The following RGS6 variants were observed in gnomAD, a reference collection of about 807,000 sequenced individuals.
The protein encoded by RGS6 is regulator of G-protein signaling 6.
A neutral mutation model predicts 78.5 loss-of-function variants in RGS6; 30 were observed. That is an observed-to-expected ratio of 0.38 (90% confidence interval 0.29 to 0.52). RGS6 has a LOEUF of 0.52. Ranked by LOEUF, RGS6 falls within the 20% of genes least tolerant of loss-of-function variation. The probability of loss-of-function intolerance (pLI) is 0.85; values close to 1 mark genes in which losing one functional copy is unlikely to be tolerated. For missense variants in RGS6, 495 were observed against 609.7 expected (o/e 0.81, Z 1.98); for synonymous variants, 206 against 206.0 (o/e 1.00, Z 0.00).
chr14:72,540,184 T>C, intron 17 of RGS6, 90 bp downstream of exon 17: 1 of 1,525,176 alleles, frequency 6.6e-7, no homozygotes, highest in Non-Finnish European at 8.8e-7. Flanking sequence ...CTTTGGTTGT[T>C]GTTTCCTTTG....
At chr14:72,165,904 T>C (rs775203995) in intron 2 of RGS6, among the ~76,000 whole-genome samples, 1 of 152,246 alleles carries the variant, frequency 6.6e-6, no homozygotes, top group Non-Finnish European at 1.5e-5. Context: ...AATGCACTGA[T>C]AAAATTCTGT....
At chr14:72,276,740 C>T (rs1268887184) in intron 2 of RGS6, among the ~76,000 whole-genome samples, 1 of 152,116 alleles carries the variant, frequency 6.6e-6, no homozygotes, top group Non-Finnish European at 1.5e-5. Flanking sequence ...CTTGCTCTTC[C>T]ACCATGATTG....
At chr14:71,874,808 A>C in the RGS6 span, among the ~76,000 whole-genome samples, 1 of 152,174 alleles carries the variant, frequency 6.6e-6, no homozygotes, top group Admixed American at 6.5e-5. Context: ...TTATTTTGAG[A>C]TACATCCCAT....
chr14:71,983,001 G>A (rs550595917), intron 2 of RGS6, among the ~76,000 whole-genome samples: 1 of 152,306 alleles, frequency 6.6e-6, no homozygotes. Flanking sequence ...TGTCTTAGTG[G>A]TCTAGCGTGA....
intron 3 of RGS6, among the ~76,000 whole-genome samples, chr14:72,450,950 G>A (rs1417830592): frequency 6.6e-6 from 1 of 152,192 alleles, no homozygotes; most frequent in Non-Finnish European, 1.5e-5. Context: ...ACTTGTTCCT[G>A]GGGCTGCACA....
At chr14:72,394,335 A>G (rs2090676276) in intron 3 of RGS6, among the ~76,000 whole-genome samples, 1 of 152,152 alleles carries the variant, frequency 6.6e-6, no homozygotes, top group Non-Finnish European at 1.5e-5. Context: ...CAGAGATCAC[A>G]TGCTTCACAA....
At chr14:72,076,940 T>C (rs1193864133) in intron 2 of RGS6, among the ~76,000 whole-genome samples, 3 of 145,980 alleles carry the variant, frequency 2.1e-5, no homozygotes, top group African/African-American at 7.6e-5. Flanking sequence ...ATTATACATA[T>C]ACAGCCAAAT....
intron 2 of RGS6, among the ~76,000 whole-genome samples, chr14:72,166,268 T>C (rs977952611): frequency 6.6e-6 from 1 of 152,190 alleles, no homozygotes; most frequent in African/African-American, 2.4e-5. Context: ...ATATGTCTTA[T>C]TTTTAAAAAT....
chr14:72,583,111 G>C, the RGS6 span, among the ~76,000 whole-genome samples: 2 of 152,120 alleles, frequency 1.3e-5, no homozygotes, highest in Non-Finnish European at 2.9e-5. Context: ...CCAGCATTCA[G>C]ACTCTGAGAC....
At chr14:72,259,933 C>T (rs923962569) in intron 2 of RGS6, among the ~76,000 whole-genome samples, 1 of 114,096 alleles carries the variant, frequency 8.8e-6, no homozygotes, top group African/African-American at 3.8e-5. Flanking sequence ...AAAAAAAAAG[C>T]TTAATGAACG....
chr14:72,282,863 A>C (rs533229104), intron 2 of RGS6, among the ~76,000 whole-genome samples: 1 of 152,316 alleles, frequency 6.6e-6, no homozygotes, highest in African/African-American at 2.4e-5. Flanking sequence ...GTGTTGTACA[A>C]CAGATCTGTA....
chr14:72,486,936 G>T (rs889088239), intron 12 of RGS6, among the ~76,000 whole-genome samples: 1 of 152,098 alleles, frequency 6.6e-6, no homozygotes, highest in African/African-American at 2.4e-5. Context: ...CCAGCGTGGG[G>T]TGTTCTTTCA....
At chr14:71,983,896 GCT>G (rs1337518098) in intron 2 of RGS6, among the ~76,000 whole-genome samples, 1 of 152,184 alleles carries the variant, frequency 6.6e-6, no homozygotes, top group African/African-American at 2.4e-5. Flanking sequence ...GAAGCTTAGT[GCT>G]CTCTGCAAAG....
intron 3 of RGS6, among the ~76,000 whole-genome samples, chr14:72,422,780 C>T (rs187438558): frequency 2.1e-4 from 32 of 152,198 alleles, no homozygotes; most frequent in Non-Finnish European, 4.6e-4. Flanking sequence ...CAAGTGGACT[C>T]GCTTATTAAG....
intron 2 of RGS6, among the ~76,000 whole-genome samples, chr14:71,996,516 G>A (rs1027501213): frequency 6.6e-6 from 1 of 152,112 alleles, no homozygotes; most frequent in Non-Finnish European, 1.5e-5. Flanking sequence ...CAGAGAGGAA[G>A]GACCCTGACT....
intron 2 of RGS6, among the ~76,000 whole-genome samples, chr14:72,247,212 C>A (rs988714457): frequency 1.3e-5 from 2 of 152,150 alleles, no homozygotes; most frequent in Non-Finnish European, 2.9e-5. Context: ...CCAGCTTAGA[C>A]TTTTTCTAAT....
intron 2 of RGS6, among the ~76,000 whole-genome samples, chr14:72,279,725 C>G (rs73302877): frequency 6.6e-6 from 1 of 151,910 alleles, no homozygotes; most frequent in Non-Finnish European, 1.5e-5. Flanking sequence ...AGTGATTTGG[C>G]GATGGGGTGT....
rs1030159408 is a variant in RGS6, at chr14:71,983,732, C to T, written c.84+18857C>T. 3.9e-5 allele frequency among the ~76,000 whole-genome samples: 6 copies of T among 152,168 alleles called. No homozygotes were observed. In the East Asian group the frequency reaches 1.2e-3, roughly 29 times the overall value. ...GGATTTAGGCCTACATCCCCATACC[C>T]CCAATTGATTGTGACCTCATCTTAA... On this transcript the variant is annotated intron_variant, in intron 2 of 17. Coordinates refer to ENST00000553525, the MANE Select transcript of RGS6 (RefSeq NM_001204424.2).
chr14:72,268,217 G>A (rs1405262378), intron 2 of RGS6, among the ~76,000 whole-genome samples: 5 of 152,222 alleles, frequency 3.3e-5, no homozygotes, highest in Middle Eastern at 3.2e-3. Flanking sequence ...TCTTTCTGGA[G>A]CATGGCGGGT....
Sources: allele counts gnomAD v4.1 joint callset (sites outside exome capture counted in the v4.1 genomes callset), GRCh38; gene constraint gnomAD v4.1.1; transcripts MANE v1.5; gene names NCBI Gene and HGNC (gene_info 2026-07-23, HGNC 2026-07-21).